The following ULK4 variants were observed in gnomAD, a reference collection of about 807,000 sequenced individuals.
ULK4 encodes the protein inactive serine/threonine-protein kinase ULK4.
In ULK4, 133 loss-of-function variants were observed where a neutral mutation model predicts 160.6. The observed-to-expected ratio is 0.83, with a 90% confidence interval of 0.72 to 0.96. The LOEUF (loss-of-function observed/expected upper bound fraction) is 0.96. Among genes scored for constraint, ULK4 ranks in the 40% least tolerant of loss-of-function variants. The pLI is 0.00. For missense variants in ULK4, 1,580 were observed against 1,499.5 expected, an observed-to-expected ratio of 1.05 and a Z score of -0.89; for synonymous variants, 534 against 539.8, an observed-to-expected ratio of 0.99 and a Z score of 0.15.
At chr3:41,507,446 T>C (rs2085431376) in intron 32 of ULK4, among the ~76,000 whole-genome samples, 1 of 151,760 alleles carries the variant, frequency 6.6e-6, no homozygotes, top group African/African-American at 2.4e-5. Context: ...TTCATGTGAC[T>C]CTCAGTCCAG....
intron 22 of ULK4, among the ~76,000 whole-genome samples, chr3:41,746,019 AAAGAAT>A (rs1277604633): frequency 5.9e-4 from 90 of 151,528 alleles, no homozygotes; most frequent in African/African-American, 2.0e-3. Context: ...CTCCACTGAT[AAAGAAT>A]ATCTACAAAA....
intron 32 of ULK4, among the ~76,000 whole-genome samples, chr3:41,471,221 G>A (rs1255153271): frequency 1.3e-5 from 2 of 152,038 alleles, no homozygotes; most frequent in Non-Finnish European, 2.9e-5. Context: ...AAACAAAACA[G>A]ACTTTAAACC....
intron 34 of ULK4, among the ~76,000 whole-genome samples, chr3:41,401,510 C>T (rs1014263048): frequency 1.2e-4 from 18 of 152,084 alleles, no homozygotes; most frequent in African/African-American, 3.4e-4. Context: ...ACATCAGTTC[C>T]GTGTTGTATC....
intron 4 of ULK4, among the ~76,000 whole-genome samples, chr3:41,935,297 G>C (rs1043029497): frequency 1.4e-5 from 2 of 148,090 alleles, no homozygotes; most frequent in South Asian, 2.1e-4. Flanking sequence ...CACGAACTCA[G>C]CTCACTGCAG....
In ULK4 at chr3:41,744,511, T is replaced by C. The variant is rs1001491137; in HGVS notation, c.2321+9850A>G. Among the ~76,000 whole-genome samples, 8 of 151,810 alleles carry C rather than the reference T, an allele frequency of 5.3e-5. 1 individual carries two copies. The highest frequency in any genetic ancestry group is 9.7e-5 in the African/African-American group (4 of 41,178). On this transcript the variant is annotated intron_variant, in intron 22 of 36. Coordinates refer to ENST00000301831, the MANE Select transcript of ULK4 (RefSeq NM_017886.4). ...ACATAAGAAAACATAATACCCTAAG[T>C]AAGTATGCAGCAAACAATGAGGCCT...
intron 35 of ULK4, among the ~76,000 whole-genome samples, chr3:41,269,269 CT>C (rs1184552351): frequency 6.6e-6 from 1 of 152,076 alleles, no homozygotes; most frequent in African/African-American, 2.4e-5. Flanking sequence ...AACTTCACTA[CT>C]AATTTCAATG....
chr3:41,469,373 A>G (rs1402500218), intron 32 of ULK4, among the ~76,000 whole-genome samples: 2 of 151,986 alleles, frequency 1.3e-5, no homozygotes, highest in African/African-American at 4.8e-5. Context: ...TATCTGGCCA[A>G]AGAATATACT....
At chr3:41,662,555 T>C (rs1339538010) in intron 30 of ULK4, among the ~76,000 whole-genome samples, 1 of 152,168 alleles carries the variant, frequency 6.6e-6, no homozygotes, top group Non-Finnish European at 1.5e-5. Context: ...TCACAGTGGC[T>C]CATAATAATG....
chr3:41,758,716 A>G (rs1284888698), intron 21 of ULK4, among the ~76,000 whole-genome samples: 1 of 152,090 alleles, frequency 6.6e-6, no homozygotes, highest in Non-Finnish European at 1.5e-5. Flanking sequence ...TACCAAAAAT[A>G]CAAAAAATTA....
chr3:41,873,143 C>A lies in ULK4; in HGVS notation c.1656+10731G>T, dbSNP rs571781633. 2.4e-4 allele frequency among the ~76,000 whole-genome samples: 37 copies of A among 152,204 alleles called. No individual in the cohort carries two copies. The South Asian group carries it at 6.6e-3, about 27-fold the overall frequency. The stretch of plus-strand genomic sequence containing the variant: ...CTCCAGCCTGGCCGACAGGGCGAGA[C>A]TCCATCTCAAATAAATAAATAAGCA... On this transcript the variant is annotated intron_variant, in intron 17 of 36. Coordinates refer to ENST00000301831, the MANE Select transcript of ULK4 (RefSeq NM_017886.4).
intron 32 of ULK4, among the ~76,000 whole-genome samples, chr3:41,537,923 ATT>A (rs34200441): frequency 6.9e-6 from 1 of 145,658 alleles, no homozygotes; most frequent in East Asian, 2.0e-4. Flanking sequence ...CCTTTGTGGC[ATT>A]TTTTTTTTTT....
intron 34 of ULK4, among the ~76,000 whole-genome samples, chr3:41,432,425 T>A (rs1256105571): frequency 6.6e-6 from 1 of 152,206 alleles, no homozygotes; most frequent in East Asian, 1.9e-4. Flanking sequence ...AAAATGCTTT[T>A]TCTGGAGGAT....
chr3:41,678,455 C>G (rs147092342), intron 29 of ULK4, among the ~76,000 whole-genome samples: 22 of 152,190 alleles, frequency 1.4e-4, no homozygotes, highest in Non-Finnish European at 4.4e-5. Context: ...AACCATTTAA[C>G]TACCAAGTGG....
intron 18 of ULK4, among the ~76,000 whole-genome samples, chr3:41,821,998 T>C (rs1249645639): frequency 6.6e-6 from 1 of 152,230 alleles, no homozygotes; most frequent in Non-Finnish European, 1.5e-5. Flanking sequence ...ATTTTGCTCC[T>C]GCGTTGCTTA....
chr3:41,299,388 A>G (rs2079737818), intron 35 of ULK4, among the ~76,000 whole-genome samples: 1 of 152,174 alleles, frequency 6.6e-6, no homozygotes, highest in Non-Finnish European at 1.5e-5. Context: ...TGGATTGCCA[A>G]CTTTCCTTAT....
intron 2 of ULK4, among the ~76,000 whole-genome samples, chr3:41,942,416 G>A (rs1270927013): frequency 2.0e-5 from 3 of 152,104 alleles, no homozygotes; most frequent in Non-Finnish European, 4.4e-5. Context: ...GAACTCAGGG[G>A]TCTGAGGCAG....
intron 22 of ULK4, among the ~76,000 whole-genome samples, chr3:41,732,201 G>T (rs955760767): frequency 3.3e-5 from 5 of 151,894 alleles, no homozygotes; most frequent in African/African-American, 1.2e-4. Context: ...CAGAATGGGA[G>T]AAAATATTCT....
intron 22 of ULK4, among the ~76,000 whole-genome samples, chr3:41,747,433 C>T (rs1304569161): frequency 9.9e-5 from 15 of 151,834 alleles, no homozygotes; most frequent in Non-Finnish European, 2.2e-4. Flanking sequence ...GGCCTAAATG[C>T]AAAGCTGTGC....
intron 35 of ULK4, among the ~76,000 whole-genome samples, chr3:41,372,783 C>G (rs2081396401): frequency 6.6e-6 from 1 of 152,184 alleles, no homozygotes; most frequent in African/African-American, 2.4e-5. Flanking sequence ...CAAATTCACA[C>G]ATAAAAATAT....
Sources: allele counts gnomAD v4.1 joint callset (sites outside exome capture counted in the v4.1 genomes callset), GRCh38; gene constraint gnomAD v4.1.1; transcripts MANE v1.5; gene names NCBI Gene and HGNC (gene_info 2026-07-23, HGNC 2026-07-21).